The following CLDN14 variants were observed in gnomAD, a reference collection of about 807,000 sequenced individuals.
CLDN14 encodes claudin 14.
Under a neutral mutation model 2.1 loss-of-function variants are expected in CLDN14, and 2 were observed. That is an observed-to-expected ratio of 0.96 (90% CI 0.39 to 3.01). CLDN14 has a LOEUF of 3.01. Ranked by LOEUF, CLDN14 falls within the 30% of genes most tolerant of loss-of-function variation. The pLI is 0.09. For synonymous variants in CLDN14, 136 were observed against 154.4 expected (o/e 0.88, Z 0.88); for missense variants, 298 against 328.0 (o/e 0.91, Z 0.71).
chr21:36,516,403 T>G (rs2087229367), intron 1 of CLDN14, among the ~76,000 whole-genome samples: 2 of 152,232 alleles, frequency 1.3e-5, no homozygotes, highest in Admixed American at 1.3e-4. Context: ...AAGCGACCGT[T>G]AGATATTGTC....
upstream of CLDN14, among the ~76,000 whole-genome samples, chr21:36,481,809 G>A (rs560341096): frequency 4.6e-5 from 7 of 152,262 alleles, no homozygotes; most frequent in East Asian, 1.3e-3. Flanking sequence ...ATGATGTGAC[G>A]AAATCTAAAT....
intron 1 of CLDN14, among the ~76,000 whole-genome samples, chr21:36,518,791 G>A (rs1043130940): frequency 4.6e-5 from 7 of 152,156 alleles, no homozygotes; most frequent in African/African-American, 1.2e-4. Flanking sequence ...GAGAAAGGGC[G>A]ACTATCAGGC....
chr21:36,535,866 G>A (rs190843901), intron 1 of CLDN14, among the ~76,000 whole-genome samples: 158 of 152,250 alleles, frequency 1.0e-3, no homozygotes, highest in African/African-American at 3.8e-3. Flanking sequence ...GAAACCCTTC[G>A]GGTTAGCCAC....
At chr21:36,560,217 TGA>T in intron 1 of CLDN14, among the ~76,000 whole-genome samples, 1 of 101,682 alleles carries the variant, frequency 9.8e-6, no homozygotes, top group South Asian at 3.8e-4. Context: ...CCTAGTTTGT[TGA>T]GAGGTTTTTT....
intron 1 of CLDN14, among the ~76,000 whole-genome samples, chr21:36,536,384 CTT>C (rs2087423945): frequency 6.6e-6 from 1 of 152,208 alleles, no homozygotes; most frequent in Admixed American, 6.5e-5. Flanking sequence ...TTAAAAATGA[CTT>C]TACTCCATTC....
intron 1 of CLDN14, among the ~76,000 whole-genome samples, chr21:36,571,200 G>A (rs2087708108): frequency 6.6e-6 from 1 of 152,224 alleles, no homozygotes; most frequent in Non-Finnish European, 1.5e-5. Context: ...TGTTCTTGGA[G>A]GTTTTGTGAT....
chr21:36,542,006 G>A (rs2087492925), intron 1 of CLDN14, among the ~76,000 whole-genome samples: 1 of 152,134 alleles, frequency 6.6e-6, no homozygotes, highest in South Asian at 2.1e-4. Flanking sequence ...CGCCCAGGCT[G>A]GAGTGCAGTG....
rs142473999 is a variant in CLDN14 at position 36,555,806 on chromosome 21, A to AGTGT, written c.-220+20601_-220+20604dup. Among the ~76,000 whole-genome samples, 516 of 143,430 alleles carry AGTGT rather than the reference A, an allele frequency of 3.6e-3. 3 individuals are homozygous for AGTGT. Among genetic ancestry groups the AGTGT allele is most frequent in the East Asian group, 7.4e-3 (35 of 4,734 alleles). The allele number at this position is 143,430 out of a possible 152,430, so 94.1% of individuals were successfully genotyped here. A position where few individuals can be genotyped will look rare whatever the true frequency, so the allele number is the denominator to read the frequency against. On this transcript the variant is annotated intron_variant, in intron 1 of 2. Coordinates refer to the CLDN14 transcript ENST00000342108. ...TTCTACTCCCGATTTTCTATAGGTC[A>AGTGT]GTGTGTGTGTGTGTGTGTGTGTGTG... is the stretch of plus-strand genomic sequence containing the variant.
chr21:36,496,436 CAA>C (rs60272055), intron 2 of CLDN14, among the ~76,000 whole-genome samples: 22,605 of 95,900 alleles, frequency 0.24, 2,224 homozygotes, highest in Middle Eastern at 0.29. Context: ...GACCTTGTTT[CAA>C]AAAAAAAAAA....
intron 2 of CLDN14, among the ~76,000 whole-genome samples, chr21:36,501,331 A>T (rs1296853795): frequency 1.7e-4 from 6 of 35,090 alleles, no homozygotes; most frequent in South Asian, 1.2e-3. Flanking sequence ...TCAATATCTC[A>T]CTTTTTTTTT....
chr21:36,560,844 A>G (rs1160370051), intron 1 of CLDN14, among the ~76,000 whole-genome samples: 2 of 152,158 alleles, frequency 1.3e-5, no homozygotes, highest in East Asian at 3.8e-4. Flanking sequence ...AGTGTATTAT[A>G]AGCCTAGTCC....
intron 1 of CLDN14, among the ~76,000 whole-genome samples, chr21:36,530,287 G>A (rs547943709): frequency 4.6e-5 from 7 of 152,064 alleles, no homozygotes; most frequent in Admixed American, 2.6e-4. Flanking sequence ...AGAGTGTGTC[G>A]GGGATGGGGA....
intron 2 of CLDN14, among the ~76,000 whole-genome samples, chr21:36,504,054 A>G (rs1192691097): frequency 6.7e-6 from 1 of 149,938 alleles, no homozygotes; most frequent in Non-Finnish European, 1.5e-5. Flanking sequence ...AAAATGTTAA[A>G]AAGGCCAGAT....
In CLDN14 at chr21:36,461,360, G is replaced by T. The variant is rs754350037; in HGVS notation, c.336C>A (p.Pro112=). The T allele has an allele frequency of 1.9e-6, 3 of 1,613,264 alleles. No individual in the cohort carries two copies. In the South Asian group the frequency reaches 3.3e-5, roughly 18 times the overall value. Residue 112 remains proline (P), a synonymous_variant, in exon 2 of 2, where the codon CCC becomes CCA. Transcript: ENST00000399135. ...CGAGGATGGCAAAGGTGGTCTTGGC[G>T]GGTGTGCCCTTGGCGCAGCGCGTGC... ...MKCTRCAKGT[P]AKTTFAILGG...
chr21:36,485,219 T>G (rs1365658849), intron 2 of CLDN14, among the ~76,000 whole-genome samples: 1 of 149,682 alleles, frequency 6.7e-6, no homozygotes, highest in Admixed American at 6.8e-5. Context: ...TTGTTTTTCT[T>G]TTTTTTTTGA....
rs570518980 is a variant in CLDN14 at position 36,475,782 on chromosome 21, C to T, written c.-82+3713G>A. Among the ~76,000 whole-genome samples the T allele has an allele frequency of 3.3e-5, 5 of 152,162 alleles. No individual in the cohort carries two copies. In the East Asian group the frequency reaches 9.6e-4, roughly 29 times the overall value. ...TTTATTTTTTTGAGACAGAGTCTTG[C>T]TCTGTCACCCAGGCTGGAGCACAGT... is the stretch of plus-strand genomic sequence containing the variant. On this transcript the variant is annotated intron_variant, in intron 1 of 1. Transcript: ENST00000399135.
At chr21:36,530,838 G>A (rs1211631525) in intron 1 of CLDN14, among the ~76,000 whole-genome samples, 2 of 152,162 alleles carry the variant, frequency 1.3e-5, no homozygotes, top group African/African-American at 2.4e-5. Flanking sequence ...AAAGAAAGAA[G>A]GCTCTAAGAC....
chr21:36,568,539 T>C (rs2087688400), intron 1 of CLDN14, among the ~76,000 whole-genome samples: 1 of 152,192 alleles, frequency 6.6e-6, no homozygotes, highest in African/African-American at 2.4e-5. Context: ...ACTGCAAACA[T>C]GCTTTTGGCT....
intron 1 of CLDN14, among the ~76,000 whole-genome samples, chr21:36,528,720 G>A (rs956202704): frequency 3.9e-5 from 6 of 152,210 alleles, no homozygotes; most frequent in East Asian, 1.9e-4. Context: ...CTGGCTGCTC[G>A]CAAGTTGCTT....
Sources: allele counts gnomAD v4.1 joint callset (sites outside exome capture counted in the v4.1 genomes callset), GRCh38; gene constraint gnomAD v4.1.1; transcripts MANE v1.5; gene names NCBI Gene and HGNC (gene_info 2026-07-23, HGNC 2026-07-21).